XPO1: variants seen among roughly 807,000 people sequenced by gnomAD.
The protein encoded by XPO1 is exportin 1.
XPO1 carries 5 observed loss-of-function variants against 133.3 expected under a neutral mutation model. The ratio of observed to expected loss-of-function variants is 0.04; its 90% confidence interval spans 0.02 to 0.08. XPO1 has a LOEUF of 0.08. XPO1 is among the 10% of genes least tolerant of loss of function. The probability of loss-of-function intolerance (pLI) is 1.00; values close to 1 mark genes in which losing one functional copy is unlikely to be tolerated. For synonymous variants in XPO1, 419 were observed against 408.2 expected, an observed-to-expected ratio of 1.03 and a Z score of -0.32; for missense variants, 506 against 1,267.5, an observed-to-expected ratio of 0.40 and a Z score of 9.12.
intron 18 of XPO1, 103 bp downstream of exon 18, chr2:61,488,485 G>A: frequency 7.7e-7 from 1 of 1,290,734 alleles, no homozygotes; most frequent in South Asian, 1.4e-5. Context: ...GGAAATGGGA[G>A]GTCTGATTTA....
intron 2 of XPO1, among the ~76,000 whole-genome samples, chr2:61,531,010 T>A (rs114859469): frequency 1.3e-5 from 2 of 152,146 alleles, no homozygotes; most frequent in East Asian, 3.8e-4. Context: ...TATTTGTACA[T>A]GGGACTTAAG....
Position 61,484,155 on chromosome 2 carries a change from C to G in XPO1, c.2509-50G>C, listed in dbSNP as rs758799824. The G allele has an allele frequency of 3.3e-6, 5 of 1,518,306 alleles. No homozygotes were observed. The Admixed American group carries it at 5.2e-5, about 16-fold the overall frequency. 94.1% of individuals were successfully genotyped at this position (1,518,306 alleles called of 1,614,324 possible). A position where few individuals can be genotyped will look rare whatever the true frequency, so the allele number is the denominator to read the frequency against. ...ATAATGTTTCAGTGTCTTTGTTGTGCTAGACAGGAGGGGAAAAGCAAGGCT... is the reference window on the plus strand; with the variant it reads ...ATAATGTTTCAGTGTCTTTGTTGTGGTAGACAGGAGGGGAAAAGCAAGGCT... On this transcript the variant is annotated intron_variant, in intron 20 of 24. Coordinates refer to ENST00000401558, the MANE Select transcript of XPO1 (RefSeq NM_003400.4).
intron 4 of XPO1, among the ~76,000 whole-genome samples, chr2:61,518,417 AACACACACACACAC>A (rs200566050): frequency 0.11 from 13,485 of 124,426 alleles, 815 homozygotes; most frequent in Non-Finnish European, 0.13. Context: ...CAAAAAACAA[AACACACACACACAC>A]ACACACACAC....
chr2:61,492,460 G>T lies in XPO1; in HGVS notation c.1588C>A (p.Gln530Lys). ...GCTTTATTATCTTTGCCTCTTTTCT[G>T]TTCACATAATCCTAATAGATCCTGT... is the stretch of plus-strand genomic sequence containing the variant. ...VIKDLLGLCE[Q>K]KRGKDNKAII... The change falls in exon 15 of 25, where the codon CAG becomes AAG. Residue 530 changes from glutamine to lysine, a missense_variant. Transcript: ENST00000401558. This position sits in a 1 kb window ranked among gnomAD's most constrained non-coding sequence, Gnocchi z 5.6. 1 of 1,598,816 alleles carries T rather than the reference G, an allele frequency of 6.3e-7. No homozygotes were observed. Among genetic ancestry groups the T allele is most frequent in the East Asian group, 2.2e-5 (1 of 44,782 alleles).
At chr2:61,510,696 G>T (rs1299262465) in intron 4 of XPO1, among the ~76,000 whole-genome samples, 3 of 152,002 alleles carry the variant, frequency 2.0e-5, no homozygotes, top group East Asian at 3.9e-4. Flanking sequence ...TAAACACTTT[G>T]GGAGGCTGAG....
chr2:61,529,712 A>C (rs1427440203), intron 2 of XPO1, among the ~76,000 whole-genome samples: 1 of 151,932 alleles, frequency 6.6e-6, no homozygotes, highest in Non-Finnish European at 1.5e-5. Flanking sequence ...CCTGGCTTTG[A>C]TGCTTTATTT....
intron 17 of XPO1, among the ~76,000 whole-genome samples, chr2:61,489,346 G>A (rs985630524): frequency 1.3e-5 from 2 of 150,404 alleles, no homozygotes; most frequent in Non-Finnish European, 3.0e-5. Flanking sequence ...TCGGGAGGCA[G>A]AGGTTGCAGT....
At chr2:61,498,836 T>G (rs941985668) in intron 8 of XPO1, 29 bp downstream of exon 8, 3 of 1,606,794 alleles carry the variant, frequency 1.9e-6, no homozygotes, top group Non-Finnish European at 2.5e-6. Flanking sequence ...CCTATTATTG[T>G]TTTTAAAAAT....
At chr2:61,518,768 T>A (rs1042366261) in intron 4 of XPO1, among the ~76,000 whole-genome samples, 1 of 152,010 alleles carries the variant, frequency 6.6e-6, no homozygotes, top group African/African-American at 2.4e-5. Flanking sequence ...ACAAAACACA[T>A]AAAACACAAA....
intron 1 of XPO1, among the ~76,000 whole-genome samples, chr2:61,535,962 A>G (rs1035649160): frequency 6.6e-6 from 1 of 152,388 alleles, no homozygotes; most frequent in Non-Finnish European, 1.5e-5. Flanking sequence ...CCATGTATCA[A>G]AAGTTTTCAA....
intron 4 of XPO1, among the ~76,000 whole-genome samples, chr2:61,508,532 T>C (rs987827275): frequency 7.9e-5 from 12 of 152,144 alleles, no homozygotes; most frequent in African/African-American, 2.4e-4. Context: ...AAAGATGAGA[T>C]TTAAATAAAC....
chr2:61,493,114 A>G, intron 12 of XPO1, 61 bp from the exon 13 acceptor site: 2 of 1,472,368 alleles, frequency 1.4e-6, no homozygotes, highest in Non-Finnish European at 1.8e-6. Context: ...TCATTAGTGT[A>G]GAAGCTTAGT....
chr2:61,477,901 A>G lies in XPO1; in HGVS notation c.*919T>C. On this transcript the variant is annotated 3_prime_UTR_variant, in exon 25 of 25. Coordinates refer to ENST00000401558, the MANE Select transcript of XPO1 (RefSeq NM_003400.4). ...TTAAACACAAATACCCACTATCATT[A>G]ATATAGGAATAAATGAGTCAATAAA... The G allele has an allele frequency of 9.4e-6, 2 of 211,966 alleles. No individual in the cohort carries two copies. Among genetic ancestry groups the G allele is most frequent in the Non-Finnish European group, 1.9e-5 (2 of 104,380 alleles). The allele number at this position is 211,966 out of a possible 1,614,324, so 13.1% of individuals were successfully genotyped here.
chr2:61,480,583 G>C (rs1468609878), intron 24 of XPO1: 1 of 151,180 alleles, frequency 6.6e-6, no homozygotes, highest in East Asian at 1.9e-4. Context: ...GCCCAGCCTA[G>C]GTAACTTTCA....
At chr2:61,479,728 A>G (rs909083342) in intron 24 of XPO1, among the ~76,000 whole-genome samples, 7 of 151,752 alleles carry the variant, frequency 4.6e-5, no homozygotes, top group Admixed American at 6.6e-5. Flanking sequence ...CATCTGGCTC[A>G]TTTTTTGTAT....
At chr2:61,484,366 T>C (rs908172758) in intron 20 of XPO1, 2 of 378,400 alleles carry the variant, frequency 5.3e-6, no homozygotes, top group Non-Finnish European at 9.5e-6. Context: ...AAACCATTAT[T>C]ACCATAAGAC....
At chr2:61,534,880 T>C (rs112321972) in intron 1 of XPO1, among the ~76,000 whole-genome samples, 4,179 of 89,872 alleles carry the variant, frequency 0.046, 186 homozygotes, top group African/African-American at 0.18. Flanking sequence ...AATTGGGGGA[T>C]TGAAATAAAG....
intron 6 of XPO1, 128 bp from the exon 7 acceptor site, chr2:61,500,022 A>AT (rs928758983): frequency 8.4e-6 from 8 of 952,336 alleles, no homozygotes; most frequent in Non-Finnish European, 1.2e-5. Context: ...CTCCTCCTTT[A>AT]TTAAAGGAAG....
At chr2:61,532,124 T>C (rs935286652) in intron 2 of XPO1, among the ~76,000 whole-genome samples, 1 of 151,818 alleles carries the variant, frequency 6.6e-6, no homozygotes, top group Non-Finnish European at 1.5e-5. Flanking sequence ...TTATTTTATT[T>C]TATTTATTTA....
Sources: allele counts gnomAD v4.1 joint callset (sites outside exome capture counted in the v4.1 genomes callset), GRCh38; gene constraint gnomAD v4.1.1; non-coding constraint Gnocchi (gnomAD v3.1); transcripts MANE v1.5; gene names NCBI Gene and HGNC (gene_info 2026-07-23, HGNC 2026-07-21).